Variants in ARHGAP6 observed in about 807,000 individuals in gnomAD.
ARHGAP6 encodes Rho GTPase activating protein 6, also known as rho GTPase-activating protein 6.
In ARHGAP6, 16 loss-of-function variants were observed where a neutral mutation model predicts 55.7. That is an observed-to-expected ratio of 0.29 (90% CI 0.19 to 0.44). The LOEUF (loss-of-function observed/expected upper bound fraction) is 0.44, where lower values mean the gene tolerates loss of function less well. Ranked by LOEUF, ARHGAP6 falls within the 20% of genes least tolerant of loss-of-function variation. The pLI is 1.00. For missense variants in ARHGAP6, 698 were observed against 808.9 expected (o/e 0.86, Z 1.66); for synonymous variants, 382 against 360.9 (o/e 1.06, Z -0.66).
intron 1 of ARHGAP6, among the ~76,000 whole-genome samples, chrX:11,520,806 C>T (rs1263497233): frequency 8.9e-6 from 1 of 111,796 alleles, no homozygotes; most frequent in African/African-American, 3.3e-5. Context: ...TATTTCTCCA[C>T]ATCCTCTCCA....
chrX:11,591,266 T>C (rs985912283), intron 1 of ARHGAP6, among the ~76,000 whole-genome samples: 1 of 109,868 alleles, frequency 9.1e-6, no homozygotes, highest in Non-Finnish European at 1.9e-5. Context: ...TATATTGTTA[T>C]CCCACATACA....
intron 1 of ARHGAP6, among the ~76,000 whole-genome samples, chrX:11,601,165 G>C (rs1375803890): frequency 1.8e-5 from 2 of 111,749 alleles, no homozygotes; most frequent in Non-Finnish European, 3.8e-5. Context: ...AGTTCCAGGT[G>C]ACTGATCGGG....
chrX:11,661,002 C>A (rs2052696458), intron 1 of ARHGAP6, among the ~76,000 whole-genome samples: 1 of 111,910 alleles, frequency 8.9e-6, no homozygotes, highest in Non-Finnish European at 1.9e-5. Flanking sequence ...AGCCTCTCTG[C>A]ATTCCTAGTA....
At chrX:11,161,672 AAGTT>A (rs1463191712) in intron 9 of ARHGAP6, among the ~76,000 whole-genome samples, 17 of 112,602 alleles carry the variant, frequency 1.5e-4, no homozygotes, top group African/African-American at 5.5e-4. Flanking sequence ...TGAAATAAGT[AAGTT>A]AAACACTTGA....
At chrX:11,604,839 CA>C (rs764045849) in intron 1 of ARHGAP6, among the ~76,000 whole-genome samples, 1 of 112,071 alleles carries the variant, frequency 8.9e-6, no homozygotes, top group Non-Finnish European at 1.9e-5. Flanking sequence ...CCTTCAGAGG[CA>C]AGGAGGCTTG....
intron 1 of ARHGAP6, among the ~76,000 whole-genome samples, chrX:11,407,840 G>A (rs746995834): frequency 1.8e-5 from 2 of 111,416 alleles, no homozygotes; most frequent in African/African-American, 3.3e-5. Flanking sequence ...GGAGGTGTGG[G>A]ATGATATTCA....
At chrX:11,434,450 G>C (rs1476459867) in intron 1 of ARHGAP6, among the ~76,000 whole-genome samples, 2 of 111,234 alleles carry the variant, frequency 1.8e-5, no homozygotes, top group Non-Finnish European at 3.8e-5. Context: ...AAGGCTAACA[G>C]ACTGGGTAAA....
intron 1 of ARHGAP6, among the ~76,000 whole-genome samples, chrX:11,600,183 A>G (rs1446990732): frequency 8.9e-6 from 1 of 111,819 alleles, no homozygotes; most frequent in Non-Finnish European, 1.9e-5. Context: ...AATTCCTGGG[A>G]ATCCAAGGTA....
Position 11,142,323 on chromosome X carries a change from A to C in ARHGAP6, c.2177-10T>G. The C allele has an allele frequency of 1.7e-6, 2 of 1,151,812 alleles. No individual in the cohort carries two copies. The highest frequency in any genetic ancestry group is 2.4e-6 in the Non-Finnish European group (2 of 850,713). 94.9% of individuals were successfully genotyped at this position (1,151,812 alleles called of 1,213,427 possible). ...GGCTCCTCTGACAGATCTAGGGAAA[A>C]AGTGTATAAAAAGGTATATAACACA... On this transcript the variant is annotated splice_polypyrimidine_tract_variant and intron_variant, in intron 11 of 12. Transcript: ENST00000337414.
chrX:11,204,332 A>G (rs1263867958), intron 2 of ARHGAP6, among the ~76,000 whole-genome samples: 1 of 111,880 alleles, frequency 8.9e-6, no homozygotes, highest in East Asian at 2.8e-4. Flanking sequence ...GTGAGACACT[A>G]TTCCAAGCTT....
At chrX:11,387,836 G>C (rs754748541) in intron 1 of ARHGAP6, among the ~76,000 whole-genome samples, 75 of 111,238 alleles carry the variant, frequency 6.7e-4, no homozygotes, top group African/African-American at 1.6e-3. Context: ...AGTTTGCTCA[G>C]AATGATGGTT....
In ARHGAP6 at chrX:11,169,512, A is replaced by G; in HGVS notation, c.1802T>C (p.Leu601Pro). The part of the protein sequence containing the change: ...VQKMIENYEA[L>P]FMVPPDLQNE... The stretch of plus-strand genomic sequence containing the variant: ...CACAGAAGGGCCACCTACCATGAAC[A>G]GGGCTTCATAATTTTCAATCATCTT... The change falls in exon 9 of 13, where the codon CTG becomes CCG. Residue 601 changes from leucine to proline, a missense_variant. Transcript: ENST00000337414. The G allele has an allele frequency of 8.4e-7, 1 of 1,194,108 alleles. No individual in the cohort carries two copies. Among genetic ancestry groups the G allele is most frequent in the Non-Finnish European group, 1.1e-6 (1 of 886,798 alleles).
chrX:11,581,044 G>A (rs1011523409), intron 1 of ARHGAP6, among the ~76,000 whole-genome samples: 2 of 112,055 alleles, frequency 1.8e-5, no homozygotes, highest in Non-Finnish European at 3.8e-5. Flanking sequence ...TGTGAACAGC[G>A]ATTAATAGCT....
chrX:11,176,919 G>A (rs1231366740), intron 8 of ARHGAP6, among the ~76,000 whole-genome samples: 1 of 112,028 alleles, frequency 8.9e-6, no homozygotes, highest in East Asian at 2.8e-4. Flanking sequence ...TAAGGAGGAG[G>A]ACGAGAAGAA....
At chrX:11,309,048 G>A (rs1428769093) in intron 1 of ARHGAP6, among the ~76,000 whole-genome samples, 4 of 111,571 alleles carry the variant, frequency 3.6e-5, no homozygotes, top group Non-Finnish European at 5.6e-5. Flanking sequence ...AGACTCAAGC[G>A]CCAGGACACA....
At chrX:11,510,691 T>C (rs1197538173) in intron 1 of ARHGAP6, among the ~76,000 whole-genome samples, 2 of 111,361 alleles carry the variant, frequency 1.8e-5, no homozygotes, top group East Asian at 2.8e-4. Context: ...GGAGTGATAG[T>C]GATGGCCGTT....
intron 3 of ARHGAP6, among the ~76,000 whole-genome samples, chrX:11,195,959 C>CAA (rs1024986729): frequency 0.13 from 1,050 of 8,390 alleles, 163 homozygotes; most frequent in African/African-American, 0.17. Flanking sequence ...ACTAAAAATA[C>CAA]AAAAAAAAAA....
chrX:11,268,735 C>T (rs1356946326), intron 1 of ARHGAP6, among the ~76,000 whole-genome samples: 4 of 111,430 alleles, frequency 3.6e-5, no homozygotes, highest in African/African-American at 1.3e-4. Flanking sequence ...CCACATTTTT[C>T]AGTGTTCTTT....
At chrX:11,412,704 A>G (rs112179818) in intron 1 of ARHGAP6, among the ~76,000 whole-genome samples, 119 of 112,167 alleles carry the variant, frequency 1.1e-3, no homozygotes, top group African/African-American at 3.8e-3. Context: ...CCCCTTAACC[A>G]TCAATGGAGA....
Sources: allele counts gnomAD v4.1 joint callset (sites outside exome capture counted in the v4.1 genomes callset), GRCh38; gene constraint gnomAD v4.1.1; transcripts MANE v1.5; gene names NCBI Gene and HGNC (gene_info 2026-07-23, HGNC 2026-07-21).